KCNJ15: variants seen among roughly 807,000 people sequenced by gnomAD.
KCNJ15 encodes the protein potassium inwardly rectifying channel subfamily J member 15.
A neutral mutation model predicts 23.0 loss-of-function variants in KCNJ15; 14 were observed. The observed-to-expected ratio is 0.61, with a 90% CI of 0.40 to 0.95. The LOEUF (loss-of-function observed/expected upper bound fraction) is 0.95, where lower values mean the gene tolerates loss of function less well. KCNJ15 is among the 40% of genes least tolerant of loss of function. The pLI is 0.00. For synonymous variants in KCNJ15, 185 were observed against 183.2 expected (o/e 1.01, Z -0.08); for missense variants, 388 against 461.8 (o/e 0.84, Z 1.46).
intron 1 of KCNJ15, among the ~76,000 whole-genome samples, chr21:38,260,212 TA>T (rs1226957857): frequency 6.6e-6 from 1 of 152,156 alleles, no homozygotes; most frequent in Non-Finnish European, 1.5e-5. Context: ...ATATTTCTGA[TA>T]AAAAGGCCAG....
intron 1 of KCNJ15, among the ~76,000 whole-genome samples, chr21:38,242,279 C>G (rs1979061982): frequency 6.6e-6 from 1 of 152,138 alleles, no homozygotes; most frequent in African/African-American, 2.4e-5. Context: ...ATGCACTTCC[C>G]AAATCAACTT....
At chr21:38,272,340 C>T (rs964087247) in intron 1 of KCNJ15, 6 of 152,282 alleles carry the variant, frequency 3.9e-5, no homozygotes, top group Admixed American at 6.5e-5. Context: ...GGCAGCTGGG[C>T]GGTGGGACCG....
intron 1 of KCNJ15, among the ~76,000 whole-genome samples, chr21:38,295,563 G>T: frequency 6.6e-6 from 1 of 151,734 alleles, no homozygotes; most frequent in African/African-American, 2.4e-5. Context: ...TTTTTAATGG[G>T]AAAAAGGTTA....
rs146150858 is a variant in KCNJ15 at position 38,247,824 on chromosome 21, T to C, written c.-398-9222T>C. On this transcript the variant is annotated intron_variant, in intron 1 of 4. Coordinates refer to the KCNJ15 transcript ENST00000547341. ...ACATTCACATGGTCCAGTGTGCAAC[T>C]ATGAAAGAAGCTTCCCATCACCTGT... Among the ~76,000 whole-genome samples the C allele has an allele frequency of 7.2e-5, 11 of 152,328 alleles. 1 individual carries two copies. Among genetic ancestry groups the C allele is most frequent in the African/African-American group, 2.4e-4 (10 of 41,572 alleles).
At chr21:38,243,181 A>AT (rs1003970035) in intron 1 of KCNJ15, among the ~76,000 whole-genome samples, 50 of 148,460 alleles carry the variant, frequency 3.4e-4, no homozygotes, top group Admixed American at 1.8e-3. Flanking sequence ...TTCTTTTCTG[A>AT]TTTTTTTTTT....
chr21:38,253,566 G>A (rs1323096893), upstream of KCNJ15, among the ~76,000 whole-genome samples: 2 of 152,166 alleles, frequency 1.3e-5, no homozygotes, highest in Non-Finnish European at 2.9e-5. Context: ...TCCATAAATA[G>A]CTCCATATCT....
chr21:38,266,048 A>G (rs1981429306), intron 1 of KCNJ15, among the ~76,000 whole-genome samples: 1 of 152,122 alleles, frequency 6.6e-6, no homozygotes, highest in Non-Finnish European at 1.5e-5. Context: ...AGAATGGGAG[A>G]GTGAGGGCCA....
chr21:38,259,920 C>T (rs1348140017), intron 1 of KCNJ15, among the ~76,000 whole-genome samples: 1 of 152,102 alleles, frequency 6.6e-6, no homozygotes, highest in African/African-American at 2.4e-5. Flanking sequence ...GTAGTAGCTC[C>T]AGAGACAAGC....
At chr21:38,234,707 A>T (rs897544739) in intron 1 of KCNJ15, among the ~76,000 whole-genome samples, 1 of 152,260 alleles carries the variant, frequency 6.6e-6, no homozygotes, top group East Asian at 1.9e-4. Flanking sequence ...TAGAATTACT[A>T]GAGAGCTCTT....
At chr21:38,274,713 C>T (rs12329791) in intron 1 of KCNJ15, among the ~76,000 whole-genome samples, 36,115 of 152,018 alleles carry the variant, frequency 0.24, 4,652 homozygotes, top group East Asian at 0.35. Context: ...CTCTGAATCA[C>T]GTCCTCCTTC....
chr21:38,262,642 T>C (rs1397983519), intron 1 of KCNJ15, among the ~76,000 whole-genome samples: 1 of 152,120 alleles, frequency 6.6e-6, no homozygotes, highest in Non-Finnish European at 1.5e-5. Flanking sequence ...TTAAACAGTA[T>C]TTTTAAAAAG....
At chr21:38,258,577 G>T (rs1396305039) in intron 1 of KCNJ15, among the ~76,000 whole-genome samples, 4 of 152,218 alleles carry the variant, frequency 2.6e-5, no homozygotes, top group African/African-American at 9.6e-5. Context: ...CCAAATTCCT[G>T]GTAGCAGCAT....
chr21:38,301,585 G>C lies in KCNJ15; in HGVS notation c.*1196G>C, dbSNP rs1464438204. The C allele has an allele frequency of 6.0e-6, 1 of 167,050 alleles. No homozygotes were observed. Among genetic ancestry groups the C allele is most frequent in the Non-Finnish European group, 1.5e-5 (1 of 68,114 alleles). 10.3% of individuals were successfully genotyped at this position (167,050 alleles called of 1,614,324 possible). A position where few individuals can be genotyped will look rare whatever the true frequency, so the allele number is the denominator to read the frequency against. On this transcript the variant is annotated 3_prime_UTR_variant, in exon 3 of 3. Coordinates refer to ENST00000398938, the MANE Select transcript of KCNJ15 (RefSeq NM_170736.3). ...GAAATGTTCTCAGATGCTGATGTTT[G>C]TAAGGTCCGGTGGGGCCATGAGGAA...
At position 38,236,069 on chromosome 21, in the gene KCNJ15, A is replaced by G. The variant is rs144014824; in HGVS notation, c.-398-20977A>G. ...TTATTCATGCATTTCTTCAAAAAAT[A>G]AATATTATATTGTTTCATCCCAATG... is the stretch of plus-strand genomic sequence containing the variant. On this transcript the variant is annotated intron_variant, in intron 1 of 4. Coordinates refer to the KCNJ15 transcript ENST00000547341. Among the ~76,000 whole-genome samples, 925 of 152,332 alleles carry G rather than the reference A, an allele frequency of 6.1e-3. 5 individuals are homozygous for G. The highest frequency in any genetic ancestry group is 0.011 in the Non-Finnish European group (726 of 68,030).
rs145184684 is a variant in KCNJ15 at position 38,287,323 on chromosome 21, T to C, written c.-116-9603T>C. Among the ~76,000 whole-genome samples, 129 of 152,352 alleles carry C rather than the reference T, an allele frequency of 8.5e-4. 2 individuals are homozygous for C. In the East Asian group the frequency reaches 0.023, roughly 27 times the overall value. Reference sequence around the variant, plus strand: ...AGTACTGGGAAAATCTGGATTGTTTTTTTTCTTCTAAGAAGGATGGCTTTA... The same window carrying C: ...AGTACTGGGAAAATCTGGATTGTTTCTTTTCTTCTAAGAAGGATGGCTTTA... On this transcript the variant is annotated intron_variant, in intron 1 of 2. Transcript: ENST00000398938.
At chr21:38,282,638 A>G (rs1161000349) in intron 1 of KCNJ15, among the ~76,000 whole-genome samples, 1 of 152,146 alleles carries the variant, frequency 6.6e-6, no homozygotes, top group African/African-American at 2.4e-5. Context: ...AACGTTGGGC[A>G]TCATAACCTT....
intron 1 of KCNJ15, among the ~76,000 whole-genome samples, chr21:38,287,620 T>G (rs890790179): frequency 3.9e-5 from 6 of 152,236 alleles, no homozygotes; most frequent in Non-Finnish European, 2.9e-5. Flanking sequence ...AAATTCAAAT[T>G]CAACTGGGCA....
intron 1 of KCNJ15, among the ~76,000 whole-genome samples, chr21:38,231,240 T>A (rs1040415729): frequency 1.3e-5 from 2 of 152,004 alleles, no homozygotes; most frequent in African/African-American, 4.8e-5. Flanking sequence ...TAATTTCTTT[T>A]CAGATTCTTC....
intron 1 of KCNJ15, among the ~76,000 whole-genome samples, chr21:38,237,628 TG>T (rs1447304583): frequency 6.6e-6 from 1 of 152,202 alleles, no homozygotes; most frequent in Non-Finnish European, 1.5e-5. Context: ...CAGCAGACTC[TG>T]CCAGCCCAGC....
Sources: allele counts gnomAD v4.1 joint callset (sites outside exome capture counted in the v4.1 genomes callset), GRCh38; gene constraint gnomAD v4.1.1; transcripts MANE v1.5; gene names NCBI Gene and HGNC (gene_info 2026-07-23, HGNC 2026-07-21).